Variants in ANKS1B observed in about 807,000 individuals in gnomAD.
ANKS1B encodes ankyrin repeat and sterile alpha motif domain containing 1B, also known as ankyrin repeat and sterile alpha motif domain-containing protein 1B.
Under a neutral mutation model 148.3 loss-of-function variants are expected in ANKS1B, and 36 were observed. The ratio of observed to expected loss-of-function variants is 0.24; its 90% CI spans 0.19 to 0.32. ANKS1B has a LOEUF of 0.32. ANKS1B is among the 10% of genes least tolerant of loss of function. ANKS1B has a pLI of 1.00. For synonymous variants in ANKS1B, 542 were observed against 560.8 expected, an observed-to-expected ratio of 0.97 and a Z score of 0.47; for missense variants, 1,157 against 1,542.6, an observed-to-expected ratio of 0.75 and a Z score of 4.19.
chr12:99,132,937 A>G (rs1212086442), intron 15 of ANKS1B, among the ~76,000 whole-genome samples: 1 of 152,058 alleles, frequency 6.6e-6, no homozygotes, highest in Non-Finnish European at 1.5e-5. Flanking sequence ...GAAACTTAAA[A>G]TTCATTGAAA....
At chr12:98,822,609 ATCT>A (rs2099206876) in intron 19 of ANKS1B, among the ~76,000 whole-genome samples, 1 of 152,136 alleles carries the variant, frequency 6.6e-6, no homozygotes, top group Non-Finnish European at 1.5e-5. Flanking sequence ...TTCTATTGAT[ATCT>A]TCTTTTTCTT....
At chr12:99,442,550 G>A (rs1459888323) in intron 11 of ANKS1B, among the ~76,000 whole-genome samples, 1 of 151,778 alleles carries the variant, frequency 6.6e-6, no homozygotes, top group African/African-American at 2.4e-5. Flanking sequence ...GGACAATGTA[G>A]CCCCTTTGGA....
chr12:99,544,501 G>C (rs2097155101), intron 9 of ANKS1B, among the ~76,000 whole-genome samples: 1 of 152,104 alleles, frequency 6.6e-6, no homozygotes, highest in South Asian at 2.1e-4. Context: ...TTTGTTTCAA[G>C]AACGAAACAA....
intron 10 of ANKS1B, among the ~76,000 whole-genome samples, chr12:99,499,485 T>C (rs1267804293): frequency 6.6e-6 from 1 of 152,204 alleles, no homozygotes. Flanking sequence ...TCTTATAATG[T>C]GACTTTAGTT....
intron 17 of ANKS1B, among the ~76,000 whole-genome samples, chr12:99,036,318 G>GT (rs141888841): frequency 0.018 from 2,632 of 146,762 alleles, 20 homozygotes; most frequent in Non-Finnish European, 0.028. Context: ...AGAATGGGAG[G>GT]TTTTTTTTTT....
chr12:99,610,652 C>T (rs1598071788), intron 9 of ANKS1B, among the ~76,000 whole-genome samples: 1 of 152,006 alleles, frequency 6.6e-6, no homozygotes, highest in African/African-American at 2.4e-5. Flanking sequence ...AAAGTATTCG[C>T]TTCAGTCCAA....
intron 9 of ANKS1B, among the ~76,000 whole-genome samples, chr12:99,649,108 T>C (rs1269863444): frequency 1.3e-5 from 2 of 152,224 alleles, no homozygotes; most frequent in Non-Finnish European, 2.9e-5. Context: ...ACACATACTA[T>C]GACCTAGGCA....
intron 17 of ANKS1B, among the ~76,000 whole-genome samples, chr12:98,921,575 A>G (rs2099801503): frequency 6.6e-6 from 1 of 152,208 alleles, no homozygotes; most frequent in African/African-American, 2.4e-5. Flanking sequence ...GTGACCCTTT[A>G]GAACATCACC....
At chr12:98,900,228 T>C (rs1364463577) in intron 17 of ANKS1B, among the ~76,000 whole-genome samples, 1 of 152,194 alleles carries the variant, frequency 6.6e-6, no homozygotes, top group African/African-American at 2.4e-5. Flanking sequence ...CTTAAGCCAA[T>C]TGGAATTATA....
intron 17 of ANKS1B, among the ~76,000 whole-genome samples, chr12:98,914,134 G>A (rs1167269784): frequency 6.6e-6 from 1 of 152,110 alleles, no homozygotes; most frequent in Non-Finnish European, 1.5e-5. Context: ...ATCCCTTATA[G>A]ACGGCTTAGC....
chr12:99,717,751 CCTT>C (rs2057528735), intron 8 of ANKS1B, among the ~76,000 whole-genome samples: 1 of 151,736 alleles, frequency 6.6e-6, no homozygotes, highest in African/African-American at 2.4e-5. Context: ...AAGTCCGTCC[CCTT>C]CTTAATCAAT....
At chr12:99,359,734 C>T (rs1424228165) in intron 12 of ANKS1B, among the ~76,000 whole-genome samples, 1 of 152,118 alleles carries the variant, frequency 6.6e-6, no homozygotes, top group Non-Finnish European at 1.5e-5. Flanking sequence ...AAAACTAATG[C>T]TTCAAGTATC....
intron 1 of ANKS1B, among the ~76,000 whole-genome samples, chr12:99,921,793 T>G (rs2094360596): frequency 6.6e-6 from 1 of 152,146 alleles, no homozygotes; most frequent in Non-Finnish European, 1.5e-5. Flanking sequence ...CACACTAATA[T>G]TTTGCTTCTA....
At chr12:99,248,447 A>G (rs1465715278) in intron 12 of ANKS1B, among the ~76,000 whole-genome samples, 1 of 152,176 alleles carries the variant, frequency 6.6e-6, no homozygotes, top group East Asian at 1.9e-4. Context: ...TGAATCTACA[A>G]ATGCAACAAT....
In ANKS1B at chr12:99,725,700, A is replaced by G. The variant is rs117110431; in HGVS notation, c.1128+47222T>C. On this transcript the variant is annotated intron_variant, in intron 8 of 26. Transcript: ENST00000683438. Reference sequence around the variant, plus strand: ...CCTCCACACCAAATCAACAGAATATACATTCTTCTCAGTGCATGGCATTTA... The same window carrying G: ...CCTCCACACCAAATCAACAGAATATGCATTCTTCTCAGTGCATGGCATTTA... Among the ~76,000 whole-genome samples, 1,148 of 152,314 alleles carry G rather than the reference A, an allele frequency of 7.5e-3. 10 individuals are homozygous for G. The highest frequency in any genetic ancestry group is 0.013 in the Non-Finnish European group (866 of 68,026).
At chr12:99,312,542 A>C (rs1246888679) in intron 12 of ANKS1B, among the ~76,000 whole-genome samples, 1 of 152,142 alleles carries the variant, frequency 6.6e-6, no homozygotes, top group Non-Finnish European at 1.5e-5. Flanking sequence ...GACGACATAG[A>C]CCAAGTATAT....
intron 8 of ANKS1B, among the ~76,000 whole-genome samples, chr12:99,689,159 C>A (rs2098665971): frequency 6.6e-6 from 1 of 152,144 alleles, no homozygotes; most frequent in African/African-American, 2.4e-5. Context: ...TAGTTTTAAA[C>A]TATTCAAATC....
chr12:99,828,590 A>G (rs1474942519), intron 1 of ANKS1B, among the ~76,000 whole-genome samples: 4 of 152,196 alleles, frequency 2.6e-5, no homozygotes, highest in Non-Finnish European at 4.4e-5. Flanking sequence ...TAGACTATGC[A>G]TGGAGAAGAA....
At chr12:99,728,626 T>C (rs904828395) in intron 8 of ANKS1B, among the ~76,000 whole-genome samples, 36 of 152,170 alleles carry the variant, frequency 2.4e-4, no homozygotes, top group Admixed American at 3.9e-4. Flanking sequence ...CATTACTGGG[T>C]ATATATCCAA....
Sources: gnomAD v4.1 joint callset for allele counts (sites outside exome capture counted in the v4.1 genomes callset) on GRCh38, gnomAD v4.1.1 for gene constraint, MANE v1.5 for transcripts, NCBI Gene and HGNC (gene_info 2026-07-23, HGNC 2026-07-21) for gene names.